The following UHRF2 variants were observed in gnomAD, a reference collection of about 807,000 sequenced individuals.
UHRF2 encodes E3 ubiquitin-protein ligase UHRF2.
A neutral mutation model predicts 96.8 loss-of-function variants in UHRF2; 23 were observed. That is an observed-to-expected ratio of 0.24 (90% confidence interval 0.17 to 0.34). UHRF2 has a LOEUF of 0.34. UHRF2 is among the 10% of genes least tolerant of loss of function. The probability of loss-of-function intolerance (pLI) is 1.00; values close to 1 mark genes in which losing one functional copy is unlikely to be tolerated. For missense variants in UHRF2, 685 were observed against 981.5 expected (o/e 0.70, Z 4.04); for synonymous variants, 385 against 332.6 (o/e 1.16, Z -1.72).
At chr9:6,426,145 C>A (rs1563745702) in intron 2 of UHRF2, among the ~76,000 whole-genome samples, 2 of 152,244 alleles carry the variant, frequency 1.3e-5, no homozygotes, top group South Asian at 2.1e-4. Flanking sequence ...CCTCTTCCCT[C>A]CCCAATCGAA....
intron 4 of UHRF2, chr9:6,468,636 T>C (rs1183705704): frequency 3.1e-5 from 14 of 456,076 alleles, no homozygotes; most frequent in South Asian, 1.7e-4. Flanking sequence ...GCCTCAAGCA[T>C]ATGGCCTGCT....
intron 3 of UHRF2, among the ~76,000 whole-genome samples, chr9:6,452,121 C>G (rs907818160): frequency 6.6e-6 from 1 of 151,750 alleles, no homozygotes; most frequent in African/African-American, 2.4e-5. Flanking sequence ...AGATCACTTC[C>G]TAGTATGTTT....
chr9:6,425,624 G>A (rs1466819856), intron 2 of UHRF2, among the ~76,000 whole-genome samples: 2 of 152,032 alleles, frequency 1.3e-5, no homozygotes, highest in Admixed American at 6.6e-5. Flanking sequence ...TTAGCTGGGC[G>A]TTGTGGCACA....
At chr9:6,417,972 T>A (rs1156868) in intron 1 of UHRF2, among the ~76,000 whole-genome samples, 5,306 of 152,314 alleles carry the variant, frequency 0.035, 319 homozygotes, top group African/African-American at 0.12. Flanking sequence ...TTTATCACTT[T>A]AACTGCTATC....
At chr9:6,494,264 T>C (rs1262733490) in intron 10 of UHRF2, 2 of 220,242 alleles carry the variant, frequency 9.1e-6, no homozygotes. Context: ...AAGCTAAAAG[T>C]GACAAACTCC....
In UHRF2 at chr9:6,477,025, G is replaced by A. The variant is rs117701106; in HGVS notation, c.974-597G>A. ...GTTGGTGAATCACCTGAGGGGTCAGGAGTTTGAGACCAGTCTGGCCAACCT... is the reference window on the plus strand; with the variant it reads ...GTTGGTGAATCACCTGAGGGGTCAGAAGTTTGAGACCAGTCTGGCCAACCT... On this transcript the variant is annotated intron_variant, in intron 5 of 15. Coordinates refer to ENST00000276893, the MANE Select transcript of UHRF2 (RefSeq NM_152896.3). 9.9e-4 allele frequency among the ~76,000 whole-genome samples: 150 copies of A among 152,274 alleles called. 1 individual carries two copies. In the East Asian group the frequency reaches 0.025, roughly 26 times the overall value.
chr9:6,454,989 G>C (rs1222149612), intron 3 of UHRF2, among the ~76,000 whole-genome samples: 1 of 152,192 alleles, frequency 6.6e-6, no homozygotes, highest in Non-Finnish European at 1.5e-5. Context: ...TGATGCTGCT[G>C]ATCTTGGGAC....
chr9:6,460,195 G>A (rs190110411), intron 3 of UHRF2, among the ~76,000 whole-genome samples: 1 of 152,284 alleles, frequency 6.6e-6, no homozygotes, highest in Admixed American at 6.5e-5. Context: ...ACAGTAATAC[G>A]TGACTGAATA....
intron 3 of UHRF2, chr9:6,434,387 C>T (rs1000264056): frequency 5.7e-6 from 3 of 523,420 alleles, no homozygotes; most frequent in African/African-American, 3.9e-5. Flanking sequence ...TTTTTAGTAT[C>T]ACAATACTGG....
At chr9:6,463,431 C>T (rs1822672200) in intron 4 of UHRF2, among the ~76,000 whole-genome samples, 1 of 151,332 alleles carries the variant, frequency 6.6e-6, no homozygotes, top group Non-Finnish European at 1.5e-5. Flanking sequence ...ACGTTAGGAA[C>T]ACAATAGCTA....
At chr9:6,438,035 C>A (rs1474587026) in intron 3 of UHRF2, among the ~76,000 whole-genome samples, 1 of 152,192 alleles carries the variant, frequency 6.6e-6, no homozygotes, top group East Asian at 1.9e-4. Context: ...ACCATCAGGA[C>A]CTGGTGCATG....
intron 4 of UHRF2, among the ~76,000 whole-genome samples, chr9:6,467,362 T>C (rs1418867102): frequency 1.3e-5 from 2 of 152,182 alleles, no homozygotes; most frequent in Non-Finnish European, 2.9e-5. Flanking sequence ...GCGTGGATAA[T>C]CTTCCCATTT....
chr9:6,428,065 A>G (rs1820356533), intron 2 of UHRF2, among the ~76,000 whole-genome samples: 1 of 152,208 alleles, frequency 6.6e-6, no homozygotes, highest in Non-Finnish European at 1.5e-5. Context: ...TAGAATGATG[A>G]TGGTAAGCCT....
At chr9:6,472,823 A>G (rs1005341284) in intron 4 of UHRF2, among the ~76,000 whole-genome samples, 1 of 152,212 alleles carries the variant, frequency 6.6e-6, no homozygotes, top group Admixed American at 6.5e-5. Context: ...GTAATATTCT[A>G]ATTTTGGTGT....
chr9:6,502,319 T>C (rs953945527), intron 14 of UHRF2, among the ~76,000 whole-genome samples: 3 of 152,166 alleles, frequency 2.0e-5, no homozygotes, highest in Admixed American at 6.5e-5. Context: ...CCTGGGCCTT[T>C]ACATACATAC....
At chr9:6,501,025 G>T (rs1019397464) in intron 14 of UHRF2, among the ~76,000 whole-genome samples, 15 of 152,118 alleles carry the variant, frequency 9.9e-5, no homozygotes, top group Admixed American at 9.8e-4. Context: ...GAAAGTTTTT[G>T]TTACAGTTCA....
At chr9:6,413,726 G>C in intron 1 of UHRF2, 83 bp downstream of exon 1, 3 of 1,339,746 alleles carry the variant, frequency 2.2e-6, no homozygotes, top group East Asian at 3.1e-5. Context: ...CGAGGGCTCT[G>C]TGCGCCGCGC....
At chr9:6,504,043 TA>T (rs1157125407) in intron 14 of UHRF2, among the ~76,000 whole-genome samples, 2 of 140,374 alleles carry the variant, frequency 1.4e-5, no homozygotes, top group South Asian at 2.3e-4. Flanking sequence ...TTTTTTTTTT[TA>T]AGACCGAGTC....
In UHRF2 at chr9:6,504,716, T is replaced by C. The variant is rs1439254859; in HGVS notation, c.2262+25T>C. On this transcript the variant is annotated intron_variant, in intron 15 of 15. Transcript: ENST00000276893. ...AGTAAGTAGAATTCCTTCCTCACTT[T>C]CCCTGTTAGGTATGAAGGCACACTA... is the stretch of plus-strand genomic sequence containing the variant. 4 of 1,579,816 alleles carry C rather than the reference T, an allele frequency of 2.5e-6. No homozygotes were observed. In the South Asian group the frequency reaches 4.5e-5, roughly 18 times the overall value.
Sources: gnomAD v4.1 joint callset for allele counts (sites outside exome capture counted in the v4.1 genomes callset) on GRCh38, gnomAD v4.1.1 for gene constraint, MANE v1.5 for transcripts, NCBI Gene and HGNC (gene_info 2026-07-23, HGNC 2026-07-21) for gene names.